Variants in RAB6B observed in about 807,000 individuals in gnomAD.
RAB6B encodes RAB6B, member RAS oncogene family.
Under a neutral mutation model 31.2 loss-of-function variants are expected in RAB6B, and 7 were observed. The observed-to-expected ratio is 0.22, with a 90% CI of 0.13 to 0.42. The LOEUF is 0.42. Among genes scored for constraint, RAB6B ranks in the 10% least tolerant of loss-of-function variants. The pLI is 1.00. For missense variants in RAB6B, 149 were observed against 280.6 expected (o/e 0.53, Z 3.35); for synonymous variants, 105 against 104.9 (o/e 1.00, Z -0.01).
chr3:133,870,472 G>A (rs148588696), intron 1 of RAB6B, among the ~76,000 whole-genome samples: 34 of 152,308 alleles, frequency 2.2e-4, no homozygotes, highest in African/African-American at 7.9e-4. Context: ...GGATCTCAGT[G>A]AACAATGCAG....
intron 1 of RAB6B, among the ~76,000 whole-genome samples, chr3:133,888,011 GC>G (rs1404896090): frequency 6.6e-6 from 1 of 152,122 alleles, no homozygotes; most frequent in Non-Finnish European, 1.5e-5. Flanking sequence ...CCTGCTCAGG[GC>G]CCCGCAGGTT....
Position 133,851,035 on chromosome 3 carries a change from G to A in RAB6B, c.130-9372C>T, listed in dbSNP as rs140700223. ...GTGTTCAAGAAAAAAAAAAAAAACC[G>A]TGGAAACAGAATTCTAAATCCAGCA... On this transcript the variant is annotated intron_variant, in intron 2 of 7. Coordinates refer to ENST00000285208, the MANE Select transcript of RAB6B (RefSeq NM_016577.4). Among the ~76,000 whole-genome samples the A allele has an allele frequency of 1.7e-3, 254 of 148,420 alleles. 3 individuals are homozygous for A. The highest frequency in any genetic ancestry group is 5.9e-3 in the African/African-American group (240 of 40,782).
chr3:133,843,237 C>A (rs984070812), intron 2 of RAB6B, among the ~76,000 whole-genome samples: 1 of 152,236 alleles, frequency 6.6e-6, no homozygotes, highest in African/African-American at 2.4e-5. Flanking sequence ...GATGAAAGAA[C>A]AGACCAGAGG....
At chr3:133,838,037 G>A in intron 6 of RAB6B, 129 bp downstream of exon 6, 1 of 934,288 alleles carries the variant, frequency 1.1e-6, no homozygotes, top group South Asian at 1.4e-5. Context: ...CGCATCTATG[G>A]GTGTTCTGGT....
At chr3:133,844,024 C>CAT (rs1935873446) in intron 2 of RAB6B, among the ~76,000 whole-genome samples, 1 of 152,226 alleles carries the variant, frequency 6.6e-6, no homozygotes, top group African/African-American at 2.4e-5. Context: ...AAACGTATCT[C>CAT]TCAAAGGTAG....
At chr3:133,856,300 G>C (rs1936075289) in intron 2 of RAB6B, among the ~76,000 whole-genome samples, 1 of 152,064 alleles carries the variant, frequency 6.6e-6, no homozygotes, top group Non-Finnish European at 1.5e-5. Context: ...GGGCAGTGTG[G>C]TTGGCACACT....
intron 1 of RAB6B, among the ~76,000 whole-genome samples, chr3:133,873,127 A>G (rs966502062): frequency 6.6e-6 from 1 of 152,264 alleles, no homozygotes; most frequent in Non-Finnish European, 1.5e-5. Flanking sequence ...AAGAAGGAAC[A>G]GGGCGAGTGC....
intron 1 of RAB6B, among the ~76,000 whole-genome samples, chr3:133,891,123 G>A (rs1355641651): frequency 6.6e-6 from 1 of 152,174 alleles, no homozygotes; most frequent in Non-Finnish European, 1.5e-5. Context: ...GGTGTGGCTA[G>A]TGGGAGGGCA....
chr3:133,871,115 C>T (rs1936317308), intron 1 of RAB6B, among the ~76,000 whole-genome samples: 1 of 152,290 alleles, frequency 6.6e-6, no homozygotes. Flanking sequence ...TCTCCAGCCA[C>T]TCAGCAAACA....
intron 1 of RAB6B, among the ~76,000 whole-genome samples, chr3:133,869,871 G>A (rs549674719): frequency 1.3e-5 from 2 of 152,206 alleles, no homozygotes; most frequent in South Asian, 2.1e-4. Flanking sequence ...ACTTCAAGCC[G>A]CCTTCAGTGC....
intron 1 of RAB6B, among the ~76,000 whole-genome samples, chr3:133,888,439 T>G (rs997270662): frequency 1.3e-5 from 2 of 152,214 alleles, no homozygotes; most frequent in African/African-American, 4.8e-5. Flanking sequence ...AAGTAACCTT[T>G]GCTTTGAAAG....
chr3:133,877,179 G>A (rs939375093), intron 1 of RAB6B, among the ~76,000 whole-genome samples: 13 of 152,218 alleles, frequency 8.5e-5, no homozygotes, highest in African/African-American at 2.9e-4. Flanking sequence ...ATAGGGCTGA[G>A]GCTCAGAGAA....
chr3:133,864,212 A>G (rs1322029184), intron 2 of RAB6B, among the ~76,000 whole-genome samples: 1 of 151,306 alleles, frequency 6.6e-6, no homozygotes, highest in Non-Finnish European at 1.5e-5. Context: ...AAACATAACC[A>G]TTACAACCAT....
intron 2 of RAB6B, among the ~76,000 whole-genome samples, chr3:133,857,039 G>C (rs1482157447): frequency 6.6e-6 from 1 of 151,560 alleles, no homozygotes; most frequent in Non-Finnish European, 1.5e-5. Flanking sequence ...ATTTGGCAGA[G>C]CTGCAAAGCA....
At chr3:133,843,503 A>G (rs754730573) in intron 2 of RAB6B, among the ~76,000 whole-genome samples, 1 of 152,216 alleles carries the variant, frequency 6.6e-6, no homozygotes, top group East Asian at 1.9e-4. Context: ...CAACTCCTCA[A>G]TGCTCAACAG....
intron 7 of RAB6B, among the ~76,000 whole-genome samples, chr3:133,833,735 T>C (rs1935690494): frequency 1.3e-5 from 2 of 152,206 alleles, no homozygotes; most frequent in Non-Finnish European, 2.9e-5. Flanking sequence ...AGAGCTGCTG[T>C]GTAGGGACAG....
chr3:133,870,894 A>G (rs888634655), intron 1 of RAB6B, among the ~76,000 whole-genome samples: 2 of 152,214 alleles, frequency 1.3e-5, no homozygotes, highest in Non-Finnish European at 2.9e-5. Context: ...GCTTGGTCCC[A>G]TGTACCCTGG....
chr3:133,880,731 A>C (rs1158910015), intron 1 of RAB6B, among the ~76,000 whole-genome samples: 2 of 143,200 alleles, frequency 1.4e-5, no homozygotes, highest in East Asian at 4.0e-4. Context: ...GCCAAGGAGG[A>C]GGGCACAGGC....
At chr3:133,834,762 C>A in intron 6 of RAB6B, 121 bp from the exon 7 acceptor site, 1 of 918,156 alleles carries the variant, frequency 1.1e-6, no homozygotes, top group South Asian at 1.4e-5. Context: ...CCCATCTGCC[C>A]AGCGGACGGT....
Sources: gnomAD v4.1 joint callset for allele counts (sites outside exome capture counted in the v4.1 genomes callset) on GRCh38, gnomAD v4.1.1 for gene constraint, MANE v1.5 for transcripts, NCBI Gene and HGNC (gene_info 2026-07-23, HGNC 2026-07-21) for gene names.